NRXN1: variants seen among roughly 807,000 people sequenced by gnomAD.
NRXN1 encodes neurexin-1.
Under a neutral mutation model 150.9 loss-of-function variants are expected in NRXN1, and 39 were observed. That is an observed-to-expected ratio of 0.26 (90% CI 0.20 to 0.34). The LOEUF (loss-of-function observed/expected upper bound fraction) is 0.34, where lower values mean the gene tolerates loss of function less well. NRXN1 is among the 10% of genes least tolerant of loss of function. The pLI is 1.00. For synonymous variants in NRXN1, 924 were observed against 757.0 expected (o/e 1.22, Z -3.62); for missense variants, 1,815 against 1,949.9 (o/e 0.93, Z 1.30).
chr2:50,644,108 T>A (rs1684455138), intron 5 of NRXN1, among the ~76,000 whole-genome samples: 1 of 151,668 alleles, frequency 6.6e-6, no homozygotes, highest in Non-Finnish European at 1.5e-5. Context: ...AAAACCAGTA[T>A]TTTTTAACGT....
At chr2:50,315,150 C>T (rs992248095) in intron 17 of NRXN1, among the ~76,000 whole-genome samples, 3 of 152,022 alleles carry the variant, frequency 2.0e-5, no homozygotes, top group South Asian at 2.1e-4. Flanking sequence ...TCTGCTTTAT[C>T]TCTCTGAAGA....
At chr2:50,444,795 G>A (rs755349635) in intron 17 of NRXN1, among the ~76,000 whole-genome samples, 36 of 152,172 alleles carry the variant, frequency 2.4e-4, no homozygotes, top group Non-Finnish European at 4.4e-4. Context: ...TGGAGCCTGA[G>A]GCAAAAGGGA....
intron 5 of NRXN1, chr2:50,920,089 T>G (rs74702969): frequency 3.8e-6 from 1 of 259,928 alleles, no homozygotes; most frequent in East Asian, 1.3e-4. Context: ...CAATGTGATT[T>G]GCAAAATACT....
At chr2:50,266,987 A>G (rs577816371) in intron 17 of NRXN1, among the ~76,000 whole-genome samples, 4 of 152,318 alleles carry the variant, frequency 2.6e-5, no homozygotes, top group African/African-American at 9.6e-5. Flanking sequence ...CTAGGGAATT[A>G]ATTATTTAAT....
intron 18 of NRXN1, among the ~76,000 whole-genome samples, chr2:50,107,407 T>C (rs1701801676): frequency 6.6e-6 from 1 of 151,330 alleles, no homozygotes; most frequent in Non-Finnish European, 1.5e-5. Context: ...ATCTTTTAAA[T>C]TTTTAAAGAG....
intron 18 of NRXN1, 150 bp from the exon 19 acceptor site, chr2:50,091,644 C>T: frequency 1.3e-6 from 1 of 773,960 alleles, no homozygotes; most frequent in Non-Finnish European, 2.2e-6. Flanking sequence ...GTAGTAGAAG[C>T]AAGATTCTTG....
rs1447163289 is a variant in NRXN1, at chr2:51,027,941, G to A, written c.333C>T (p.Asp111=). ...ATLLADTPVN[D]GAWHSVRIRR... is the part of the protein sequence containing the mutation. ...GGATGCGCACGCTGTGCCAGGCGCC[G>A]TCGTTAACCGGCGTGTCGGCCAGGA... The change falls in exon 2 of 23, where the codon GAC becomes GAT. Residue 111 remains aspartate, a synonymous_variant. Coordinates refer to ENST00000401669, the MANE Select transcript of NRXN1 (RefSeq NM_001330078.2). 6.2e-7 allele frequency: 1 copy of A among 1,604,152 alleles called. No individual in the cohort carries two copies.
chr2:50,156,722 T>C (rs916560964), intron 18 of NRXN1, among the ~76,000 whole-genome samples: 1 of 151,968 alleles, frequency 6.6e-6, no homozygotes, highest in African/African-American at 2.4e-5. Context: ...GGAAATTATA[T>C]GAGTATGTAA....
At chr2:50,766,514 G>T (rs1702397065) in intron 5 of NRXN1, among the ~76,000 whole-genome samples, 1 of 152,028 alleles carries the variant, frequency 6.6e-6, no homozygotes, top group South Asian at 2.1e-4. Context: ...GGGCAAAACA[G>T]GGTTGCATCC....
chr2:50,900,139 C>T (rs1278262859), intron 5 of NRXN1, among the ~76,000 whole-genome samples: 7 of 152,090 alleles, frequency 4.6e-5, no homozygotes, highest in African/African-American at 1.7e-4. Flanking sequence ...TAATATCTCC[C>T]CATGGCTACT....
chr2:50,315,298 A>G (rs375751978), intron 17 of NRXN1, among the ~76,000 whole-genome samples: 48 of 152,224 alleles, frequency 3.2e-4, no homozygotes, highest in African/African-American at 1.1e-3. Context: ...AAAGTTACTG[A>G]ACTGCAAGGT....
chr2:50,144,521 A>G (rs759926428), intron 18 of NRXN1, among the ~76,000 whole-genome samples: 2 of 151,870 alleles, frequency 1.3e-5, no homozygotes, highest in Non-Finnish European at 2.9e-5. Context: ...AATCTCCTAA[A>G]AAATCACTCA....
At chr2:50,338,409 A>T (rs78691478) in intron 17 of NRXN1, among the ~76,000 whole-genome samples, 3,162 of 152,302 alleles carry the variant, frequency 0.021, 120 homozygotes, top group African/African-American at 0.073. Flanking sequence ...GAAATAAGCT[A>T]TCAAATGGTG....
chr2:50,016,800 A>G (rs10172768), intron 21 of NRXN1, among the ~76,000 whole-genome samples: 26,571 of 152,110 alleles, frequency 0.17, 2,981 homozygotes, highest in African/African-American at 0.31. Flanking sequence ...GGCTATATGG[A>G]AAAAAATAAA....
chr2:50,513,692 T>C (rs141080161), intron 12 of NRXN1, among the ~76,000 whole-genome samples: 1 of 151,720 alleles, frequency 6.6e-6, no homozygotes, highest in Non-Finnish European at 1.5e-5. Flanking sequence ...TGAAGAGAAA[T>C]AGAGAAGAAT....
chr2:50,044,229 T>C (rs1191622764), intron 21 of NRXN1, among the ~76,000 whole-genome samples: 1 of 152,166 alleles, frequency 6.6e-6, no homozygotes, highest in Non-Finnish European at 1.5e-5. Flanking sequence ...GTTTTCTCAA[T>C]AGCATATAAT....
intron 15 of NRXN1, among the ~76,000 whole-genome samples, chr2:50,492,591 T>G (rs1273274556): frequency 6.6e-6 from 1 of 152,124 alleles, no homozygotes; most frequent in Admixed American, 6.5e-5. Flanking sequence ...CTACTTCCCC[T>G]TGCAAACGGA....
At chr2:50,331,049 A>AT (rs1427273108) in intron 17 of NRXN1, among the ~76,000 whole-genome samples, 1 of 152,162 alleles carries the variant, frequency 6.6e-6, no homozygotes, top group Non-Finnish European at 1.5e-5. Context: ...TAATAATGTC[A>AT]TTTTTTAAAG....
At chr2:50,264,798 C>T (rs924164088) in intron 17 of NRXN1, among the ~76,000 whole-genome samples, 1 of 152,052 alleles carries the variant, frequency 6.6e-6, no homozygotes, top group Non-Finnish European at 1.5e-5. Flanking sequence ...ATCTAGGCCT[C>T]TGTCTCTTGG....
Sources: gnomAD v4.1 joint callset for allele counts (sites outside exome capture counted in the v4.1 genomes callset) on GRCh38, gnomAD v4.1.1 for gene constraint, MANE v1.5 for transcripts, NCBI Gene and HGNC (gene_info 2026-07-23, HGNC 2026-07-21) for gene names.